Variants in ADARB2 observed in about 807,000 individuals in gnomAD.
ADARB2 encodes the protein inactive double-stranded RNA-specific editase B2.
A neutral mutation model predicts 62.2 loss-of-function variants in ADARB2; 25 were observed. That is an observed-to-expected ratio of 0.40 (90% CI 0.29 to 0.56). The LOEUF (loss-of-function observed/expected upper bound fraction) is 0.56. Ranked by LOEUF, ADARB2 falls within the 20% of genes least tolerant of loss-of-function variation. The pLI, the probability that ADARB2 is intolerant of heterozygous loss-of-function variation, is 0.43. For missense variants in ADARB2, 1,071 were observed against 1,077.4 expected, an observed-to-expected ratio of 0.99 and a Z score of 0.08; for synonymous variants, 572 against 500.8, an observed-to-expected ratio of 1.14 and a Z score of -1.90.
intron 1 of ADARB2, among the ~76,000 whole-genome samples, chr10:1,585,738 A>G (rs1421054248): frequency 6.6e-6 from 1 of 152,206 alleles, no homozygotes; most frequent in Non-Finnish European, 1.5e-5. Context: ...CCTGAAATCT[A>G]TAAAACCAAA....
chr10:1,268,162 T>C (rs1328948454), intron 4 of ADARB2, among the ~76,000 whole-genome samples: 1 of 152,186 alleles, frequency 6.6e-6, no homozygotes, highest in African/African-American at 2.4e-5. Flanking sequence ...CATGAGTCAA[T>C]AGATGTTATC....
At chr10:1,386,254 GA>G (rs1832524438) in intron 1 of ADARB2, among the ~76,000 whole-genome samples, 1 of 151,536 alleles carries the variant, frequency 6.6e-6, no homozygotes, top group African/African-American at 2.4e-5. Context: ...CAAAGAAAGA[GA>G]AACAAAAAAA....
chr10:1,420,978 C>T lies in ADARB2; in HGVS notation c.101-41818G>A, dbSNP rs560615787. 3.3e-5 allele frequency among the ~76,000 whole-genome samples: 5 copies of T among 152,158 alleles called. No homozygotes were observed. The South Asian group carries it at 1.0e-3, about 32-fold the overall frequency. ...TGCGCCGCTCGGTTCTCCTTCCTCT[C>T]TCTGCTCTCACAGGGTGGTGTTACA... On this transcript the variant is annotated intron_variant, in intron 1 of 9. Transcript: ENST00000381312.
chr10:1,701,926 C>A (rs1336677354), intron 1 of ADARB2, among the ~76,000 whole-genome samples: 1 of 152,280 alleles, frequency 6.6e-6, no homozygotes, highest in South Asian at 2.1e-4. Flanking sequence ...GGAGACCAGG[C>A]GCTCGTCAAT....
At chr10:1,379,257 G>T in intron 1 of ADARB2, 97 bp from the exon 2 acceptor site, 2 of 972,756 alleles carry the variant, frequency 2.1e-6, no homozygotes, top group South Asian at 1.4e-5. Context: ...GGACAAGGGA[G>T]GTGGAGAGGT....
intron 1 of ADARB2, among the ~76,000 whole-genome samples, chr10:1,547,353 A>AGG: frequency 2.0e-5 from 2 of 99,360 alleles, no homozygotes; most frequent in African/African-American, 4.1e-5. Flanking sequence ...CACTGTGGGG[A>AGG]GGGAGAGAGG....
intron 2 of ADARB2, among the ~76,000 whole-genome samples, chr10:1,376,927 C>T: frequency 7.2e-6 from 1 of 139,128 alleles, no homozygotes; most frequent in East Asian, 2.2e-4. Context: ...TGCTTGTGTG[C>T]TCCTGGGGTG....
intron 3 of ADARB2, among the ~76,000 whole-genome samples, chr10:1,280,278 A>T (rs1429609137): frequency 6.6e-6 from 1 of 152,176 alleles, no homozygotes; most frequent in Admixed American, 6.5e-5. Context: ...AGTTCCATCA[A>T]ACAAAACATG....
intron 3 of ADARB2, among the ~76,000 whole-genome samples, chr10:1,274,956 G>A (rs769094342): frequency 6.6e-6 from 1 of 152,192 alleles, no homozygotes; most frequent in Non-Finnish European, 1.5e-5. Flanking sequence ...GAAGGCGGCT[G>A]GCACCCCAAG....
intron 1 of ADARB2, among the ~76,000 whole-genome samples, chr10:1,627,752 C>G (rs1833789179): frequency 6.6e-6 from 1 of 152,196 alleles, no homozygotes; most frequent in South Asian, 2.1e-4. Context: ...TGCTCTCTCC[C>G]AGAGTGATTT....
intron 5 of ADARB2, among the ~76,000 whole-genome samples, chr10:1,241,588 T>C (rs188914322): frequency 7.9e-5 from 12 of 152,284 alleles, no homozygotes; most frequent in Non-Finnish European, 1.5e-5. Flanking sequence ...CTCTCTAAAG[T>C]GTCTCAGGGA....
At chr10:1,418,914 T>G (rs1832829133) in intron 1 of ADARB2, among the ~76,000 whole-genome samples, 1 of 152,204 alleles carries the variant, frequency 6.6e-6, no homozygotes, top group Non-Finnish European at 1.5e-5. Context: ...ACCAGCCAAG[T>G]GTGTCCTGCG....
chr10:1,415,494 G>A (rs201586422), intron 1 of ADARB2, among the ~76,000 whole-genome samples: 6,754 of 31,448 alleles, frequency 0.21, 166 homozygotes, highest in Non-Finnish European at 0.4. Flanking sequence ...ACATGAGTTG[G>A]CCAGATAAAC....
intron 3 of ADARB2, among the ~76,000 whole-genome samples, chr10:1,329,778 T>C (rs1451071373): frequency 6.6e-6 from 1 of 152,128 alleles, no homozygotes; most frequent in Non-Finnish European, 1.5e-5. Context: ...TGGTTTGTTC[T>C]GGGAAATAGG....
At chr10:1,468,751 C>T (rs955160167) in intron 1 of ADARB2, among the ~76,000 whole-genome samples, 5 of 152,224 alleles carry the variant, frequency 3.3e-5, no homozygotes, top group South Asian at 4.1e-4. Context: ...CTTTCCCTTT[C>T]GCCTGCGGAA....
At chr10:1,282,011 T>A (rs1332244824) in intron 3 of ADARB2, among the ~76,000 whole-genome samples, 5 of 152,240 alleles carry the variant, frequency 3.3e-5, no homozygotes, top group African/African-American at 1.2e-4. Flanking sequence ...CTTTGATATT[T>A]AACCAGCGTG....
intron 1 of ADARB2, among the ~76,000 whole-genome samples, chr10:1,524,426 T>C (rs1416249724): frequency 6.6e-6 from 1 of 152,196 alleles, no homozygotes; most frequent in Non-Finnish European, 1.5e-5. Context: ...GCATCCATGT[T>C]TGTGATCTTC....
Position 1,303,284 on chromosome 10 carries a change from G to C in ADARB2, c.1078-32215C>G, listed in dbSNP as rs557359100. The stretch of plus-strand genomic sequence containing the variant: ...ACTGGAAGAAAGGGTATCAGCAATG[G>C]AAGATGAAATGAATGAAATGAAGCG... On this transcript the variant is annotated intron_variant, in intron 3 of 9. Transcript: ENST00000381312. Among the ~76,000 whole-genome samples, 816 of 152,224 alleles carry C rather than the reference G, an allele frequency of 5.4e-3. 4 individuals are homozygous for C. The highest frequency in any genetic ancestry group is 0.019 in the African/African-American group (770 of 41,546).
chr10:1,378,792 C>T (rs1412545258), intron 2 of ADARB2, among the ~76,000 whole-genome samples: 1 of 152,104 alleles, frequency 6.6e-6, no homozygotes, highest in East Asian at 1.9e-4. Context: ...AGGATAGGAC[C>T]TCAGATGAAG....
Sources: allele counts gnomAD v4.1 joint callset (sites outside exome capture counted in the v4.1 genomes callset), GRCh38; gene constraint gnomAD v4.1.1; transcripts MANE v1.5; gene names NCBI Gene and HGNC (gene_info 2026-07-23, HGNC 2026-07-21).